Variants in PAN3 observed in about 807,000 individuals in gnomAD.
The protein encoded by PAN3 is PAN2-PAN3 deadenylation complex subunit PAN3.
In PAN3, 19 loss-of-function variants were observed where a neutral mutation model predicts 96.2. The ratio of observed to expected loss-of-function variants is 0.20; its 90% CI spans 0.14 to 0.29. PAN3 has a LOEUF of 0.29. Among genes scored for constraint, PAN3 ranks in the 10% least tolerant of loss-of-function variants. The probability of loss-of-function intolerance (pLI) is 1.00; values close to 1 mark genes in which losing one functional copy is unlikely to be tolerated. For missense variants in PAN3, 882 were observed against 1,108.1 expected (o/e 0.80, Z 2.90); for synonymous variants, 433 against 406.6 (o/e 1.06, Z -0.78).
Position 28,138,987 on chromosome 13 carries a change from G to A in PAN3, c.330G>A (p.Pro110=). 1 of 1,267,806 alleles carries A rather than the reference G, an allele frequency of 7.9e-7. No individual in the cohort carries two copies. Among genetic ancestry groups the A allele is most frequent in the South Asian group, 2.7e-5 (1 of 36,366 alleles). The allele number at this position is 1,267,806 out of a possible 1,614,324, so 78.5% of individuals were successfully genotyped here. A position where few individuals can be genotyped will look rare whatever the true frequency, so the allele number is the denominator to read the frequency against. Residue 110 remains proline (P), a synonymous_variant, in exon 1 of 19, where the codon CCG becomes CCA. Coordinates refer to ENST00000380958, the MANE Select transcript of PAN3 (RefSeq NM_175854.8). The part of the protein sequence containing the change: ...PGAVAGGGAG[P]PPGPKKPDLG... The stretch of plus-strand genomic sequence containing the variant: ...CCGTCGCGGGCGGGGGAGCTGGGCC[G>A]CCCCCCGGGCCCAAGAAGCCGGACC...
chr13:28,288,944 A>T (rs545412229), intron 18 of PAN3, among the ~76,000 whole-genome samples: 1 of 148,378 alleles, frequency 6.7e-6, no homozygotes, highest in African/African-American at 2.5e-5. Flanking sequence ...CTCCTGCCTC[A>T]GCCTCCCAAG....
At chr13:28,225,023 AC>A (rs1881850900) in intron 6 of PAN3, among the ~76,000 whole-genome samples, 1 of 152,226 alleles carries the variant, frequency 6.6e-6, no homozygotes, top group East Asian at 1.9e-4. Flanking sequence ...TTCATTTATT[AC>A]CAAGTTTATT....
chr13:28,146,073 A>G (rs1435508308), intron 1 of PAN3, among the ~76,000 whole-genome samples: 2 of 151,996 alleles, frequency 1.3e-5, no homozygotes, highest in African/African-American at 4.8e-5. Flanking sequence ...CAGTTTTTAC[A>G]TGATGAAAGG....
intron 14 of PAN3, among the ~76,000 whole-genome samples, chr13:28,276,855 T>G (rs1186887945): frequency 1.3e-5 from 2 of 152,178 alleles, no homozygotes; most frequent in African/African-American, 2.4e-5. Context: ...AACCTTAAAT[T>G]TGTTGTAATA....
chr13:28,156,198 A>G (rs1042984290), intron 1 of PAN3, among the ~76,000 whole-genome samples: 4 of 152,186 alleles, frequency 2.6e-5, no homozygotes, highest in African/African-American at 9.7e-5. Context: ...GAAGATCCAA[A>G]TAAACACAGT....
chr13:28,187,459 C>T (rs985785988), intron 4 of PAN3, among the ~76,000 whole-genome samples: 3 of 152,166 alleles, frequency 2.0e-5, no homozygotes, highest in African/African-American at 7.2e-5. Context: ...GTTGGTGTTC[C>T]AGTTCTTTAG....
In PAN3 at chr13:28,283,055, C is replaced by CT. The variant is rs888207274; in HGVS notation, c.2384+1687dup. Among the ~76,000 whole-genome samples the CT allele has an allele frequency of 9.3e-4, 136 of 146,374 alleles. 1 individual carries two copies. The highest frequency in any genetic ancestry group is 3.4e-3 in the East Asian group (17 of 5,026). On this transcript the variant is annotated intron_variant, in intron 17 of 18. Transcript: ENST00000380958. ...CTAGATTGTCCTCAGAAAATTTTTC[C>CT]TTTTTTTTTTTGAGAGGGAATCTCG...
At chr13:28,220,209 AC>A in intron 5 of PAN3, 21 bp from the exon 6 acceptor site, 1 of 1,607,504 alleles carries the variant, frequency 6.2e-7, no homozygotes. Context: ...GTGTTAACTT[AC>A]TATATTTGAT....
At chr13:28,268,071 A>G (rs1306870138) in intron 12 of PAN3, among the ~76,000 whole-genome samples, 1 of 152,194 alleles carries the variant, frequency 6.6e-6, no homozygotes, top group Non-Finnish European at 1.5e-5. Flanking sequence ...TTTTAAAAAT[A>G]TGATGCTTTC....
chr13:28,294,317 A>C lies in PAN3; in HGVS notation c.*1795A>C, dbSNP rs1870095343. The stretch of plus-strand genomic sequence containing the variant: ...AAAAGAAGAACTTGGAGACATTAAC[A>C]TGAAAAAGTCTTTTATCATTAGCTC... On this transcript the variant is annotated 3_prime_UTR_variant, in exon 19 of 19. Coordinates refer to ENST00000380958, the MANE Select transcript of PAN3 (RefSeq NM_175854.8). The C allele has an allele frequency of 6.5e-6, 1 of 152,672 alleles. No homozygotes were observed. The highest frequency in any genetic ancestry group is 1.5e-5 in the Non-Finnish European group (1 of 68,040). The allele number at this position is 152,672 out of a possible 1,614,324, so 9.5% of individuals were successfully genotyped here.
At position 28,215,769 on chromosome 13, in the gene PAN3, C is replaced by T. The variant is rs1345223519; in HGVS notation, c.853-4462C>T. Reference sequence around the variant, plus strand: ...TGAGAGCTTCTCAGACCATCCTCTTCTGAGTTGTTTTGCTGTTGGTGATGT... The same window carrying T: ...TGAGAGCTTCTCAGACCATCCTCTTTTGAGTTGTTTTGCTGTTGGTGATGT... On this transcript the variant is annotated intron_variant, in intron 5 of 18. Transcript: ENST00000380958. 9 of 1,461,296 alleles carry T rather than the reference C, an allele frequency of 6.2e-6. No homozygotes were observed. The African/African-American group carries it at 1.3e-4, about 20-fold the overall frequency. 90.5% of individuals were successfully genotyped at this position (1,461,296 alleles called of 1,614,324 possible). A position where few individuals can be genotyped will look rare whatever the true frequency, so the allele number is the denominator to read the frequency against.
chr13:28,267,367 T>G lies in PAN3; in HGVS notation c.1758T>G (p.Pro586=). ...ETMMSRHFND[P]NADAYFTKRK... ...TGATGAGCAGACACTTTAATGACCC[T>G]AATGCTGATGCCTACTTCACCAAGA... The change falls in exon 12 of 19, where the codon CCT becomes CCG. Residue 586 remains proline (P), a synonymous_variant. Coordinates refer to ENST00000380958, the MANE Select transcript of PAN3 (RefSeq NM_175854.8). The G allele has an allele frequency of 6.2e-7, 1 of 1,613,738 alleles. No homozygotes were observed. The highest frequency in any genetic ancestry group is 8.5e-7 in the Non-Finnish European group (1 of 1,179,746).
intron 5 of PAN3, among the ~76,000 whole-genome samples, chr13:28,209,259 G>A (rs1314061423): frequency 1.3e-5 from 2 of 152,126 alleles, no homozygotes; most frequent in Admixed American, 6.6e-5. Flanking sequence ...AGAAGAGTAC[G>A]AAGAAGAAGG....
At chr13:28,207,526 C>A (rs1348436920) in intron 5 of PAN3, among the ~76,000 whole-genome samples, 1 of 152,162 alleles carries the variant, frequency 6.6e-6, no homozygotes, top group Non-Finnish European at 1.5e-5. Context: ...CATGTAGCTA[C>A]CATGAAGAGT....
intron 18 of PAN3, among the ~76,000 whole-genome samples, chr13:28,290,063 C>T (rs116799913): frequency 0.01 from 1,581 of 152,064 alleles, 28 homozygotes; most frequent in African/African-American, 0.034. Flanking sequence ...AGGCCAAATC[C>T]GTTCTATGGC....
intron 17 of PAN3, among the ~76,000 whole-genome samples, chr13:28,282,486 C>A (rs1868403827): frequency 6.6e-6 from 1 of 152,104 alleles, no homozygotes; most frequent in African/African-American, 2.4e-5. Context: ...TTAGCTGTTT[C>A]TTCTAGCATT....
chr13:28,203,077 T>A (rs181570942), intron 5 of PAN3, among the ~76,000 whole-genome samples: 126 of 151,802 alleles, frequency 8.3e-4, no homozygotes, highest in Non-Finnish European at 1.5e-3. Context: ...ATGCTCCCTC[T>A]TCAGCCTCCC....
intron 1 of PAN3, 114 bp from the exon 2 acceptor site, chr13:28,174,157 TA>T: frequency 1.7e-6 from 2 of 1,159,882 alleles, no homozygotes; most frequent in Non-Finnish European, 2.4e-6. Context: ...AACTGGTAAA[TA>T]AAAATAAGTG....
chr13:28,138,721 G>A lies in PAN3; in HGVS notation c.64G>A (p.Ala22Thr). The change falls in exon 1 of 19, where the codon GCG becomes ACG. Residue 22 changes from alanine to threonine, a missense_variant. Physicochemically the swap from Ala to Thr is moderately conservative, Grantham distance 58. Coordinates refer to ENST00000380958, the MANE Select transcript of PAN3 (RefSeq NM_175854.8). ...AAASPSSSSLAAAVAVVAPPG... is the reference protein window; with the variant it reads ...AAASPSSSSLTAAVAVVAPPG... ...CGCCTCCCCTTCCTCCTCCTCGCTG[G>A]CGGCGGCGGTGGCGGTGGTGGCCCC... 8.0e-7 allele frequency: 1 copy of A among 1,251,302 alleles called. No individual in the cohort carries two copies. Among genetic ancestry groups the A allele is most frequent in the Non-Finnish European group, 1.0e-6 (1 of 976,630 alleles). 77.5% of individuals were successfully genotyped at this position (1,251,302 alleles called of 1,614,324 possible).
Sources: gnomAD v4.1 joint callset for allele counts (sites outside exome capture counted in the v4.1 genomes callset) on GRCh38, gnomAD v4.1.1 for gene constraint, MANE v1.5 for transcripts, NCBI Gene and HGNC (gene_info 2026-07-23, HGNC 2026-07-21) for gene names.